Variants in RAB11FIP3 observed in about 807,000 individuals in gnomAD.
RAB11FIP3 encodes the protein RAB11 family interacting protein 3.
RAB11FIP3 carries 17 observed loss-of-function variants against 77.8 expected under a neutral mutation model. The ratio of observed to expected loss-of-function variants is 0.22; its 90% CI spans 0.15 to 0.33. The LOEUF (loss-of-function observed/expected upper bound fraction) is 0.33, where lower values mean the gene tolerates loss of function less well. Among genes scored for constraint, RAB11FIP3 ranks in the 10% least tolerant of loss-of-function variants. The pLI, the probability that RAB11FIP3 is intolerant of heterozygous loss-of-function variation, is 1.00. For missense variants in RAB11FIP3, 1,005 were observed against 1,011.2 expected, an observed-to-expected ratio of 0.99 and a Z score of 0.08; for synonymous variants, 437 against 448.2, an observed-to-expected ratio of 0.98 and a Z score of 0.31.
rs544623349 is a variant in RAB11FIP3, at chr16:522,164, C to T, written c.*1325C>T. The T allele has an allele frequency of 1.0e-3, 159 of 151,454 alleles. No homozygotes were observed. Among genetic ancestry groups the T allele is most frequent in the African/African-American group, 3.7e-3 (154 of 41,162 alleles). 9.4% of individuals were successfully genotyped at this position (151,454 alleles called of 1,614,324 possible). On this transcript the variant is annotated 3_prime_UTR_variant, in exon 14 of 14. Transcript: ENST00000262305. ...AAACTTGGAGGAGAGATTTTTCTAT[C>T]ATGTAGAGTAGGTATTTTTTATAGA...
At chr16:445,325 G>C (rs1382843510) in intron 1 of RAB11FIP3, among the ~76,000 whole-genome samples, 3 of 150,928 alleles carry the variant, frequency 2.0e-5, no homozygotes, top group Non-Finnish European at 1.5e-5. Flanking sequence ...TGTAGTTTCA[G>C]CTACTTGGGA....
chr16:464,397 C>T (rs1017833305), intron 2 of RAB11FIP3, among the ~76,000 whole-genome samples: 15 of 152,180 alleles, frequency 9.9e-5, no homozygotes, highest in African/African-American at 3.6e-4. Flanking sequence ...AGAATTTTGG[C>T]GTCTCACATA....
Position 520,517 on chromosome 16 carries a change from G to A in RAB11FIP3, c.2075G>A (p.Ser692Asn), listed in dbSNP as rs755138707. ...EELNGQIITL[S>N]IQGAKSLFST... Reference sequence around the variant, plus strand: ...CTGAACGGGCAGATCATTACCCTCAGCATCCAGGGCGCCAAGAGCCTCTTC... The same window carrying A: ...CTGAACGGGCAGATCATTACCCTCAACATCCAGGGCGCCAAGAGCCTCTTC... Residue 692 changes from serine (S) to asparagine (N), a missense_variant, in exon 13 of 14, where the codon AGC becomes AAC. Physicochemically the swap from Ser to Asn is conservative, Grantham distance 46. Transcript: ENST00000262305. The A allele has an allele frequency of 6.2e-7, 1 of 1,613,724 alleles. No individual in the cohort carries two copies. The highest frequency in any genetic ancestry group is 8.5e-7 in the Non-Finnish European group (1 of 1,180,030).
intron 2 of RAB11FIP3, among the ~76,000 whole-genome samples, chr16:462,139 G>T (rs1034125185): frequency 2.6e-5 from 4 of 152,180 alleles, no homozygotes; most frequent in Non-Finnish European, 5.9e-5. Context: ...TGTGGGTGCC[G>T]CATACCCCTC....
At chr16:445,776 G>A (rs1010943126) in intron 1 of RAB11FIP3, among the ~76,000 whole-genome samples, 6 of 152,122 alleles carry the variant, frequency 3.9e-5, no homozygotes, top group East Asian at 1.9e-4. Flanking sequence ...CTGTGCTCTC[G>A]GCGGGAGGTG....
Position 502,523 on chromosome 16 carries a change from C to A in RAB11FIP3, c.1302-481C>A, listed in dbSNP as rs183282725. Among the ~76,000 whole-genome samples, 29 of 152,298 alleles carry A rather than the reference C, an allele frequency of 1.9e-4. 2 individuals are homozygous for A. The highest frequency in any genetic ancestry group is 5.5e-4 in the African/African-American group (23 of 41,566). On this transcript the variant is annotated intron_variant, in intron 6 of 13. Coordinates refer to ENST00000262305, the MANE Select transcript of RAB11FIP3 (RefSeq NM_014700.4). Reference sequence around the variant, plus strand: ...TCTGGGATCCACACCTTTCCTGGGACCCTCACTCTTCCTGCCACAGAAAGC... The same window carrying A: ...TCTGGGATCCACACCTTTCCTGGGAACCTCACTCTTCCTGCCACAGAAAGC...
At chr16:489,749 A>G (rs1405282842) in intron 5 of RAB11FIP3, among the ~76,000 whole-genome samples, 1 of 152,212 alleles carries the variant, frequency 6.6e-6, no homozygotes, top group Non-Finnish European at 1.5e-5. Context: ...ACTGAGGCCC[A>G]GGGAACCTGG....
In RAB11FIP3 at chr16:507,531, G is replaced by A. The variant is rs1450968857; in HGVS notation, c.1499+1904G>A. Among the ~76,000 whole-genome samples the A allele has an allele frequency of 6.6e-5, 10 of 152,242 alleles. No individual in the cohort carries two copies. The highest frequency in any genetic ancestry group is 6.5e-4 in the Admixed American group (10 of 15,286). ...CAAAGTGCTGAAATCAGAGGCGTGA[G>A]CCACCATGTCCAGCCTAGATGCCTT... On this transcript the variant is annotated intron_variant, in intron 8 of 13. Coordinates refer to ENST00000262305, the MANE Select transcript of RAB11FIP3 (RefSeq NM_014700.4). This position sits in a 1 kb window ranked among gnomAD's most constrained non-coding sequence, Gnocchi z 4.6.
chr16:494,721 A>C (rs1447222428), intron 5 of RAB11FIP3, among the ~76,000 whole-genome samples: 1 of 151,872 alleles, frequency 6.6e-6, no homozygotes, highest in Non-Finnish European at 1.5e-5. Flanking sequence ...ACTACAAAGA[A>C]TGGGCTGAGT....
At chr16:448,738 GAAAA>G (rs34545276) in intron 1 of RAB11FIP3, among the ~76,000 whole-genome samples, 6 of 88,142 alleles carry the variant, frequency 6.8e-5, no homozygotes, top group East Asian at 3.3e-4. Context: ...TCCGTCTCAA[GAAAA>G]AAAAAAAAAA....
In RAB11FIP3 at chr16:505,565, C is replaced by T; in HGVS notation, c.1437C>T (p.Asp479=). 1.2e-6 allele frequency: 2 copies of T among 1,607,496 alleles called. No individual in the cohort carries two copies. Among genetic ancestry groups the T allele is most frequent in the Non-Finnish European group, 1.7e-6 (2 of 1,179,656 alleles). The change falls in exon 8 of 14, where the codon GAC becomes GAT. Residue 479 remains aspartate (D), a synonymous_variant. Coordinates refer to ENST00000262305, the MANE Select transcript of RAB11FIP3 (RefSeq NM_014700.4). This position sits in a 1 kb window ranked among gnomAD's most constrained non-coding sequence, Gnocchi z 4.0. ...GGCGTGTGCTGGAGCTGGAAAAGGACACGGCAGCCACCGGTGAGCAACACA... is the reference window on the plus strand; with the variant it reads ...GGCGTGTGCTGGAGCTGGAAAAGGATACGGCAGCCACCGGTGAGCAACACA... ...LERRVLELEK[D]TAATGEQHSR... is the part of the protein sequence containing the mutation.
rs1181283930 is a variant in RAB11FIP3, at chr16:471,882, G to C, written c.903+493G>C. 6.6e-6 allele frequency among the ~76,000 whole-genome samples: 1 copy of C among 152,120 alleles called. No homozygotes were observed. The highest frequency in any genetic ancestry group is 1.5e-5 in the Non-Finnish European group (1 of 68,022). On this transcript the variant is annotated intron_variant, in intron 3 of 13. Transcript: ENST00000262305. The surrounding 1 kb of genome is among the most constrained non-coding windows in gnomAD (Gnocchi z 4.4). ...TTGTTCTCAACATAGCTGGGGAGAG[G>C]GTCTTCGAGCACAGCCGTGGTCGAC...
At chr16:475,775 T>C (rs1409623895) in intron 3 of RAB11FIP3, among the ~76,000 whole-genome samples, 4 of 152,032 alleles carry the variant, frequency 2.6e-5, no homozygotes, top group Non-Finnish European at 5.9e-5. Flanking sequence ...CGCTGAGGAG[T>C]GGAACTGTTC....
At chr16:500,313 C>G (rs2031421301) in intron 6 of RAB11FIP3, among the ~76,000 whole-genome samples, 1 of 152,220 alleles carries the variant, frequency 6.6e-6, no homozygotes, top group African/African-American at 2.4e-5. Context: ...TTTTCCACAG[C>G]TCCCTCTCTG....
At chr16:473,728 C>A (rs2141691143) in intron 3 of RAB11FIP3, among the ~76,000 whole-genome samples, 1 of 152,290 alleles carries the variant, frequency 6.6e-6, no homozygotes, top group East Asian at 1.9e-4. Context: ...GCGTGAGCCA[C>A]CGCACCCAGC....
intron 1 of RAB11FIP3, among the ~76,000 whole-genome samples, chr16:441,205 G>C (rs2055220805): frequency 6.6e-6 from 1 of 152,190 alleles, no homozygotes; most frequent in South Asian, 2.1e-4. Context: ...GCCTCGCAGA[G>C]TGCTGGGATT....
intron 1 of RAB11FIP3, among the ~76,000 whole-genome samples, chr16:445,346 C>T (rs2055296825): frequency 1.4e-5 from 2 of 147,014 alleles, no homozygotes; most frequent in African/African-American, 5.1e-5. Flanking sequence ...GGCTGAGGCA[C>T]GAGAATCGCT....
chr16:434,364 T>A (rs1038485528), intron 1 of RAB11FIP3, among the ~76,000 whole-genome samples: 1 of 152,328 alleles, frequency 6.6e-6, no homozygotes, highest in Admixed American at 6.5e-5. Flanking sequence ...CCTCAAGTGA[T>A]CTGCGTGCCG....
intron 1 of RAB11FIP3, among the ~76,000 whole-genome samples, chr16:448,528 A>C (rs1395602869): frequency 6.6e-6 from 1 of 151,382 alleles, no homozygotes; most frequent in East Asian, 2.0e-4. Context: ...CGAGGTCAGG[A>C]GATCGAGACC....
Sources: allele counts gnomAD v4.1 joint callset (sites outside exome capture counted in the v4.1 genomes callset), GRCh38; gene constraint gnomAD v4.1.1; non-coding constraint Gnocchi (gnomAD v3.1); transcripts MANE v1.5; gene names NCBI Gene and HGNC (gene_info 2026-07-23, HGNC 2026-07-21).